Variants in CTNNA2 observed in about 807,000 individuals in gnomAD.
CTNNA2 encodes catenin alpha-2.
A neutral mutation model predicts 101.0 loss-of-function variants in CTNNA2; 42 were observed. That is an observed-to-expected ratio of 0.42 (90% CI 0.32 to 0.54). CTNNA2 has a LOEUF of 0.54. Among genes scored for constraint, CTNNA2 ranks in the 20% least tolerant of loss-of-function variants. The pLI is 0.14. For missense variants in CTNNA2, 871 were observed against 1,223.1 expected, an observed-to-expected ratio of 0.71 and a Z score of 4.29; for synonymous variants, 450 against 456.4, an observed-to-expected ratio of 0.99 and a Z score of 0.18.
intron 7 of CTNNA2, among the ~76,000 whole-genome samples, chr2:80,113,358 C>T (rs975337740): frequency 1.3e-5 from 2 of 152,166 alleles, no homozygotes; most frequent in African/African-American, 2.4e-5. Flanking sequence ...GAGGACAGAG[C>T]AGTACAGGCG....
intron 1 of CTNNA2, among the ~76,000 whole-genome samples, chr2:79,606,838 G>GT (rs1677926669): frequency 1.3e-5 from 2 of 152,070 alleles, no homozygotes; most frequent in East Asian, 3.9e-4. Flanking sequence ...AATTTAAAAA[G>GT]TATTTAATTC....
rs577808487 is a variant in CTNNA2, at chr2:79,636,346, A to G, written c.-5-15206A>G. ...GATGTGGGAGTTTTCAGCATAAAGT[A>G]AGACACTGACATGAATGAGACCACA... On this transcript the variant is annotated intron_variant, in intron 1 of 18. Coordinates refer to ENST00000402739, the MANE Select transcript of CTNNA2 (RefSeq NM_001282597.3). Among the ~76,000 whole-genome samples the G allele has an allele frequency of 2.6e-5, 4 of 151,758 alleles. No individual in the cohort carries two copies. The East Asian group carries it at 7.7e-4, about 29-fold the overall frequency.
At chr2:79,921,157 C>T (rs1481711289) in intron 7 of CTNNA2, among the ~76,000 whole-genome samples, 1 of 152,182 alleles carries the variant, frequency 6.6e-6, no homozygotes, top group African/African-American at 2.4e-5. Flanking sequence ...GAATAACAGT[C>T]TCCTGCTGAG....
chr2:80,406,671 C>T (rs1679091569), intron 8 of CTNNA2, among the ~76,000 whole-genome samples: 1 of 151,380 alleles, frequency 6.6e-6, no homozygotes, highest in Non-Finnish European at 1.5e-5. Context: ...CTAAAAAATA[C>T]AAAAAATTAG....
In CTNNA2 at chr2:80,090,588, T is replaced by A. The variant is rs75340005; in HGVS notation, c.1056+180791T>A. On this transcript the variant is annotated intron_variant, in intron 7 of 18. Coordinates refer to ENST00000402739, the MANE Select transcript of CTNNA2 (RefSeq NM_001282597.3). ...TTTCCAAATTGAGTTAGGATGTGTGTTCAGTTCTTGAACCTCATCTTATGC... is the reference window on the plus strand; with the variant it reads ...TTTCCAAATTGAGTTAGGATGTGTGATCAGTTCTTGAACCTCATCTTATGC... 7.4e-4 allele frequency among the ~76,000 whole-genome samples: 112 copies of A among 152,214 alleles called. No homozygotes were observed. The East Asian group carries it at 0.02, about 28-fold the overall frequency.
intron 4 of CTNNA2, among the ~76,000 whole-genome samples, chr2:79,400,369 C>T (rs2104480220): frequency 6.6e-6 from 1 of 152,000 alleles, no homozygotes; most frequent in African/African-American, 2.4e-5. Context: ...CTTGACTTTT[C>T]CCTTTGGCTT....
intron 9 of CTNNA2, among the ~76,000 whole-genome samples, chr2:80,525,280 A>G (rs1480770801): frequency 6.6e-6 from 1 of 151,458 alleles, no homozygotes; most frequent in African/African-American, 2.4e-5. Context: ...GCCTGGTTGG[A>G]TGGGCTCAGT....
At chr2:79,847,154 T>A (rs946410735) in intron 3 of CTNNA2, among the ~76,000 whole-genome samples, 1 of 149,832 alleles carries the variant, frequency 6.7e-6, no homozygotes, top group African/African-American at 2.5e-5. Flanking sequence ...TAAACAAACT[T>A]CCCAAGATCT....
chr2:80,247,853 T>A (rs1671447815), intron 7 of CTNNA2, among the ~76,000 whole-genome samples: 1 of 152,164 alleles, frequency 6.6e-6, no homozygotes, highest in Non-Finnish European at 1.5e-5. Context: ...TTAGAGGAAC[T>A]AAATAGATTC....
intron 9 of CTNNA2, among the ~76,000 whole-genome samples, chr2:80,465,111 G>A (rs1050136172): frequency 1.3e-5 from 2 of 152,082 alleles, no homozygotes; most frequent in African/African-American, 4.8e-5. Flanking sequence ...TCTCCAGCAG[G>A]GAATCTTGCC....
intron 4 of CTNNA2, among the ~76,000 whole-genome samples, chr2:79,404,478 A>T (rs1164320063): frequency 6.6e-6 from 1 of 152,062 alleles, no homozygotes; most frequent in African/African-American, 2.4e-5. Flanking sequence ...ATATATACAA[A>T]TTTCATGCAT....
chr2:80,252,870 A>T (rs934730942), intron 7 of CTNNA2, among the ~76,000 whole-genome samples: 10 of 152,102 alleles, frequency 6.6e-5, no homozygotes, highest in African/African-American at 2.4e-4. Context: ...GGGAGTGGTA[A>T]GTTGGTGAGT....
At chr2:79,445,911 G>A (rs1032032328) in intron 4 of CTNNA2, among the ~76,000 whole-genome samples, 3 of 152,090 alleles carry the variant, frequency 2.0e-5, no homozygotes, top group African/African-American at 7.2e-5. Flanking sequence ...GAGAATGCTA[G>A]CTTTTCTTTT....
chr2:80,237,353 C>A (rs891617206), intron 7 of CTNNA2, among the ~76,000 whole-genome samples: 2 of 152,196 alleles, frequency 1.3e-5, no homozygotes, highest in African/African-American at 4.8e-5. Context: ...GATATTTTGA[C>A]TTTAGGATGG....
intron 4 of CTNNA2, among the ~76,000 whole-genome samples, chr2:79,394,679 AAC>A (rs1437081641): frequency 6.6e-6 from 1 of 152,196 alleles, no homozygotes; most frequent in East Asian, 1.9e-4. Flanking sequence ...CAATTTCTAA[AAC>A]ACAGTGACAC....
At chr2:79,236,127 C>T (rs963809544) in intron 2 of CTNNA2, among the ~76,000 whole-genome samples, 5 of 152,156 alleles carry the variant, frequency 3.3e-5, no homozygotes, top group African/African-American at 1.2e-4. Context: ...GAATCACTAC[C>T]AGGTGTGGCC....
At chr2:79,396,405 C>T (rs530627954) in intron 4 of CTNNA2, among the ~76,000 whole-genome samples, 3 of 152,124 alleles carry the variant, frequency 2.0e-5, no homozygotes, top group African/African-American at 4.8e-5. Flanking sequence ...GCGATCTGCC[C>T]GCCTCGGCCT....
intron 3 of CTNNA2, among the ~76,000 whole-genome samples, chr2:79,832,405 T>G (rs1477584958): frequency 6.6e-6 from 1 of 152,228 alleles, no homozygotes; most frequent in East Asian, 1.9e-4. Context: ...TTGCCTATAC[T>G]TTTTCCTTAA....
chr2:79,659,681 A>G (rs974892975), intron 2 of CTNNA2, among the ~76,000 whole-genome samples: 29 of 152,126 alleles, frequency 1.9e-4, no homozygotes, highest in Admixed American at 8.5e-4. Flanking sequence ...CTTGAAAAGT[A>G]TTTCAGATTA....
Sources: gnomAD v4.1 joint callset for allele counts (sites outside exome capture counted in the v4.1 genomes callset) on GRCh38, gnomAD v4.1.1 for gene constraint, MANE v1.5 for transcripts, NCBI Gene and HGNC (gene_info 2026-07-23, HGNC 2026-07-21) for gene names.